The following CELF4 variants were observed in gnomAD, a reference collection of about 807,000 sequenced individuals.
CELF4 encodes the protein CUGBP Elav-like family member 4, also known as CUG-BP- and ETR-3-like factor 4.
In CELF4, 18 loss-of-function variants were observed where a neutral mutation model predicts 59.9. That is an observed-to-expected ratio of 0.30 (90% CI 0.21 to 0.45). The LOEUF is 0.45. CELF4 is among the 20% of genes least tolerant of loss of function. The probability of loss-of-function intolerance (pLI) is 1.00; values close to 1 mark genes in which losing one functional copy is unlikely to be tolerated. For synonymous variants in CELF4, 261 were observed against 267.1 expected, an observed-to-expected ratio of 0.98 and a Z score of 0.22; for missense variants, 456 against 689.0, an observed-to-expected ratio of 0.66 and a Z score of 3.79.
At chr18:37,324,813 A>G (rs777843270) in intron 2 of CELF4, among the ~76,000 whole-genome samples, 2 of 152,208 alleles carry the variant, frequency 1.3e-5, no homozygotes, top group Non-Finnish European at 2.9e-5. Context: ...TTCTCCTGTG[A>G]TGTATGCAAA....
At chr18:37,352,845 A>G (rs2098469574) in intron 2 of CELF4, among the ~76,000 whole-genome samples, 1 of 152,092 alleles carries the variant, frequency 6.6e-6, no homozygotes, top group African/African-American at 2.4e-5. Flanking sequence ...ATCTGGGGAG[A>G]CAGACACCAA....
chr18:37,455,889 A>C (rs558208160), intron 2 of CELF4, among the ~76,000 whole-genome samples: 25 of 152,238 alleles, frequency 1.6e-4, no homozygotes, highest in Admixed American at 1.3e-3. Context: ...AGAATCTCGC[A>C]ACCTCCTTCC....
intron 1 of CELF4, among the ~76,000 whole-genome samples, chr18:37,563,631 C>T (rs916116821): frequency 2.6e-5 from 4 of 152,034 alleles, no homozygotes; most frequent in Admixed American, 2.6e-4. Context: ...AAGGCTGCCT[C>T]CCCGTTCCAC....
At chr18:37,266,210 C>A in intron 9 of CELF4, 1 of 489,400 alleles carries the variant, frequency 2.0e-6, no homozygotes, top group Non-Finnish European at 3.7e-6. Context: ...AGACCTGGTG[C>A]TCCTGGGCAA....
chr18:37,529,026 G>A (rs1481228085), intron 1 of CELF4: 1 of 152,048 alleles, frequency 6.6e-6, no homozygotes, highest in East Asian at 1.9e-4. Context: ...TTTCCCAGAG[G>A]ATGGAGGCTC....
At chr18:37,301,343 G>A (rs1019982354) in intron 3 of CELF4, among the ~76,000 whole-genome samples, 10 of 152,144 alleles carry the variant, frequency 6.6e-5, no homozygotes, top group African/African-American at 9.7e-5. Flanking sequence ...TCTATCCTCC[G>A]CCAGACTGGA....
intron 1 of CELF4, among the ~76,000 whole-genome samples, chr18:37,499,430 G>C (rs1438950682): frequency 3.3e-5 from 5 of 152,032 alleles, no homozygotes; most frequent in African/African-American, 1.2e-4. Context: ...AGGTTTACAG[G>C]AGGCAGATCT....
chr18:37,494,455 C>T (rs1336238765), intron 1 of CELF4, among the ~76,000 whole-genome samples: 3 of 152,200 alleles, frequency 2.0e-5, no homozygotes, highest in Non-Finnish European at 4.4e-5. Flanking sequence ...TTTGTTCCTG[C>T]AGCCAGGGGC....
rs766485469 is a variant in CELF4, at chr18:37,245,744, C to CTG, written c.*45-549_*45-548dup. 3.3e-5 allele frequency among the ~76,000 whole-genome samples: 5 copies of CTG among 152,220 alleles called. No individual in the cohort carries two copies. The highest frequency in any genetic ancestry group is 5.9e-5 in the Non-Finnish European group (4 of 68,020). On this transcript the variant is annotated intron_variant, in intron 12 of 12. Coordinates refer to ENST00000420428, the MANE Select transcript of CELF4 (RefSeq NM_020180.4). This position sits in a 1 kb window ranked among gnomAD's most constrained non-coding sequence, Gnocchi z 4.1. The stretch of plus-strand genomic sequence containing the variant: ...CCGGGGTCAGTAACTATTTGCGAGG[C>CTG]TGTGTATATATATGTATATCTGGAT...
At chr18:37,324,950 T>A (rs1294675011) in intron 2 of CELF4, among the ~76,000 whole-genome samples, 1 of 152,088 alleles carries the variant, frequency 6.6e-6, no homozygotes, top group Non-Finnish European at 1.5e-5. Context: ...TGCCTACTCA[T>A]TTAAGAGATG....
At chr18:37,361,346 G>T (rs141350159) in intron 2 of CELF4, among the ~76,000 whole-genome samples, 2 of 152,162 alleles carry the variant, frequency 1.3e-5, no homozygotes, top group African/African-American at 4.8e-5. Flanking sequence ...CCAGCTAACC[G>T]TAGCTCTCGT....
chr18:37,313,428 T>C (rs1164114706), intron 3 of CELF4, among the ~76,000 whole-genome samples: 1 of 152,130 alleles, frequency 6.6e-6, no homozygotes, highest in Non-Finnish European at 1.5e-5. Flanking sequence ...GACACTTCTG[T>C]ATATTGAATT....
At chr18:37,320,594 A>C (rs1285974300) in intron 3 of CELF4, among the ~76,000 whole-genome samples, 1 of 152,020 alleles carries the variant, frequency 6.6e-6, no homozygotes, top group African/African-American at 2.4e-5. Flanking sequence ...GGGGCCCTAG[A>C]TGGTGGAGAG....
At chr18:37,348,508 T>C (rs1402849085) in intron 2 of CELF4, among the ~76,000 whole-genome samples, 1 of 152,108 alleles carries the variant, frequency 6.6e-6, no homozygotes. Flanking sequence ...ACACAGCCTC[T>C]GGGGCCAGGG....
intron 10 of CELF4, among the ~76,000 whole-genome samples, chr18:37,259,852 G>T (rs530476251): frequency 1.1e-4 from 16 of 152,310 alleles, no homozygotes; most frequent in Non-Finnish European, 1.9e-4. Flanking sequence ...AGGAAACCAA[G>T]ATTTATCCTG....
At chr18:37,459,941 AG>A (rs1392608957) in intron 2 of CELF4, among the ~76,000 whole-genome samples, 6 of 152,242 alleles carry the variant, frequency 3.9e-5, no homozygotes, top group Non-Finnish European at 8.8e-5. Context: ...CATGATGTGC[AG>A]TTTATCATAT....
intron 3 of CELF4, among the ~76,000 whole-genome samples, chr18:37,301,676 T>C (rs2096048896): frequency 6.6e-6 from 1 of 152,208 alleles, no homozygotes; most frequent in South Asian, 2.1e-4. Context: ...GAGCCCAGGC[T>C]GAACCACCGC....
intron 2 of CELF4, among the ~76,000 whole-genome samples, chr18:37,354,353 G>C (rs2098524398): frequency 1.3e-5 from 2 of 152,088 alleles, no homozygotes. Context: ...TTCATTGCTG[G>C]GGGAAATGAA....
intron 11 of CELF4, 165 bp downstream of exon 11, chr18:37,259,015 CG>C: frequency 1.0e-6 from 1 of 980,476 alleles, no homozygotes; most frequent in Non-Finnish European, 1.5e-6. Flanking sequence ...GCAGCTGGGG[CG>C]GGGGCAATGT....
Sources: gnomAD v4.1 joint callset for allele counts (sites outside exome capture counted in the v4.1 genomes callset) on GRCh38, gnomAD v4.1.1 for gene constraint, Gnocchi (gnomAD v3.1) non-coding constraint, MANE v1.5 for transcripts, NCBI Gene and HGNC (gene_info 2026-07-23, HGNC 2026-07-21) for gene names.